Variants in ANXA8 observed in about 807,000 individuals in gnomAD.
ANXA8 encodes VAC-beta.
Under a neutral mutation model 26.8 loss-of-function variants are expected in ANXA8, and 9 were observed. The observed-to-expected ratio is 0.34, with a 90% CI of 0.20 to 0.59. ANXA8 has a LOEUF of 0.59. ANXA8 is among the 20% of genes least tolerant of loss of function. The probability of loss-of-function intolerance (pLI) is 0.84; values close to 1 mark genes in which losing one functional copy is unlikely to be tolerated. For missense variants in ANXA8, 83 were observed against 238.5 expected, an observed-to-expected ratio of 0.35 and a Z score of 4.29; for synonymous variants, 39 against 94.8, an observed-to-expected ratio of 0.41 and a Z score of 3.42.
the ANXA8 span, among the ~76,000 whole-genome samples, chr10:47,591,668 G>A: frequency 2.8e-5 from 4 of 140,390 alleles, no homozygotes; most frequent in African/African-American, 6.0e-5. Flanking sequence ...GGATGATCTC[G>A]ATCTCCTGAC....
At chr10:47,647,354 A>G in the ANXA8 span, among the ~76,000 whole-genome samples, 16 of 151,386 alleles carry the variant, frequency 1.1e-4, no homozygotes, top group East Asian at 1.2e-3. Context: ...ACATTGTTCA[A>G]TTCACACCCA....
the ANXA8 span, among the ~76,000 whole-genome samples, chr10:47,496,947 A>G: frequency 7.2e-6 from 1 of 138,030 alleles, no homozygotes; most frequent in African/African-American, 2.8e-5. Flanking sequence ...TAAAGATACT[A>G]TCTTTCCCCC....
the ANXA8 span, among the ~76,000 whole-genome samples, chr10:47,675,392 A>C: frequency 6.6e-6 from 1 of 151,670 alleles, no homozygotes; most frequent in Non-Finnish European, 1.5e-5. Context: ...TCTAGTATAC[A>C]TGTAAGGTAC....
the ANXA8 span, among the ~76,000 whole-genome samples, chr10:47,947,564 A>T: frequency 6.6e-6 from 1 of 150,734 alleles, no homozygotes. Context: ...TGATTAGATC[A>T]TGGGGGCAGA....
At chr10:47,948,482 T>G in the ANXA8 span, among the ~76,000 whole-genome samples, 47 of 137,280 alleles carry the variant, frequency 3.4e-4, no homozygotes, top group African/African-American at 1.3e-3. Flanking sequence ...AATTTCTTTA[T>G]GAAATGAACA....
chr10:47,977,354 G>T, the ANXA8 span, among the ~76,000 whole-genome samples: 7 of 151,130 alleles, frequency 4.6e-5, no homozygotes, highest in Non-Finnish European at 8.9e-5. Context: ...GATTTTTGGA[G>T]ATGCCACATT....
the ANXA8 span, among the ~76,000 whole-genome samples, chr10:47,758,899 AG>A: frequency 1.2e-4 from 2 of 16,156 alleles, no homozygotes; most frequent in Non-Finnish European, 2.7e-4. Context: ...GCTCTCAGCC[AG>A]GGCGGAAGGC....
the ANXA8 span, among the ~76,000 whole-genome samples, chr10:47,705,950 C>A: frequency 6.6e-6 from 1 of 150,672 alleles, no homozygotes. Flanking sequence ...AGGCGGCGGG[C>A]CACGGCGCGA....
chr10:47,694,774 CA>C, the ANXA8 span, among the ~76,000 whole-genome samples: 1 of 151,706 alleles, frequency 6.6e-6, no homozygotes, highest in Non-Finnish European at 1.5e-5. Context: ...AATACCAACA[CA>C]GTAGACAGTT....
chr10:47,626,014 T>C, the ANXA8 span, among the ~76,000 whole-genome samples: 1 of 150,440 alleles, frequency 6.6e-6, no homozygotes, highest in South Asian at 2.1e-4. Flanking sequence ...ACGTAAAGTC[T>C]CCCAGGTTCA....
chr10:47,735,196 C>T, the ANXA8 span, among the ~76,000 whole-genome samples: 4 of 147,204 alleles, frequency 2.7e-5, no homozygotes, highest in South Asian at 4.2e-4. Flanking sequence ...ACCTCCTGGG[C>T]GCAAGCAATC....
chr10:47,484,192 A>T (rs1354608049), upstream of ANXA8: 8 of 775,112 alleles, frequency 1.0e-5, no homozygotes, highest in Non-Finnish European at 1.8e-5. Flanking sequence ...GAATTACACA[A>T]CTCACTGGCA....
chr10:47,486,259 TTCA>T (rs1364389143), upstream of ANXA8, among the ~76,000 whole-genome samples: 7 of 151,024 alleles, frequency 4.6e-5, no homozygotes, highest in Non-Finnish European at 1.0e-4. Flanking sequence ...TGCTAAATTC[TTCA>T]TCAAGCTGGT....
At chr10:47,777,667 T>C in the ANXA8 span, among the ~76,000 whole-genome samples, 59 of 152,346 alleles carry the variant, frequency 3.9e-4, 1 homozygote, top group African/African-American at 1.4e-3. Context: ...AGCGCCTCTC[T>C]CCAGGAGTAT....
At chr10:47,588,840 G>C in the ANXA8 span, 1 of 124,528 alleles carries the variant, frequency 8.0e-6, no homozygotes, top group Non-Finnish European at 1.6e-5. Context: ...TTTGAGACAG[G>C]GTCTCACTTC....
chr10:47,655,620 C>A, the ANXA8 span, among the ~76,000 whole-genome samples: 1 of 151,890 alleles, frequency 6.6e-6, no homozygotes, highest in Non-Finnish European at 1.5e-5. Flanking sequence ...ACGGGAGGAG[C>A]AGTTGCTGGG....
chr10:47,952,190 T>C, the ANXA8 span, among the ~76,000 whole-genome samples: 770 of 144,632 alleles, frequency 5.3e-3, no homozygotes, highest in African/African-American at 0.022. Context: ...AAAGACATAA[T>C]GTTTTCCTCC....
rs1338475818 is a variant in ANXA8, at chr10:47,484,067, G to T, written c.-134C>A. The T allele has an allele frequency of 1.4e-5, 23 of 1,605,430 alleles. 1 individual carries two copies. In the South Asian group the frequency reaches 2.0e-4, roughly 14 times the overall value. On this transcript the variant is annotated 5_prime_UTR_variant, in exon 1 of 12. Transcript: ENST00000585281. ...CACTTGGGTGTGGGGGTGCAAGCCC[G>T]CCCAGGGCAGCGCCACACCTGCCTG...
the ANXA8 span, among the ~76,000 whole-genome samples, chr10:47,740,421 A>G: frequency 7.4e-3 from 850 of 114,580 alleles, 2 homozygotes; most frequent in East Asian, 0.015. Flanking sequence ...TTAGAGTTTT[A>G]ACAAATATAT....
Sources: gnomAD v4.1 joint callset for allele counts (sites outside exome capture counted in the v4.1 genomes callset) on GRCh38, gnomAD v4.1.1 for gene constraint, MANE v1.5 for transcripts, NCBI Gene and HGNC (gene_info 2026-07-23, HGNC 2026-07-21) for gene names.